Variants in MUC22 observed in about 807,000 individuals in gnomAD.
The protein encoded by MUC22 is mucin 22.
Under a neutral mutation model 40.3 loss-of-function variants are expected in MUC22, and 24 were observed. The observed-to-expected ratio is 0.60, with a 90% CI of 0.43 to 0.84. MUC22 has a LOEUF of 0.84. MUC22 is among the 40% of genes least tolerant of loss of function. The probability of loss-of-function intolerance (pLI) is 0.00; values close to 1 mark genes in which losing one functional copy is unlikely to be tolerated. For missense variants in MUC22, 1,926 were observed against 2,130.7 expected, an observed-to-expected ratio of 0.90 and a Z score of 1.89; for synonymous variants, 765 against 844.5, an observed-to-expected ratio of 0.91 and a Z score of 1.63.
At chr6:31,017,124 G>A (rs1764274778) in intron 1 of MUC22, among the ~76,000 whole-genome samples, 1 of 152,214 alleles carries the variant, frequency 6.6e-6, no homozygotes, top group Admixed American at 6.5e-5. Context: ...TCCCAGACGA[G>A]CGCTGCCCCT....
intron 3 of MUC22, among the ~76,000 whole-genome samples, chr6:31,033,856 A>G (rs10947125): frequency 0.37 from 56,358 of 152,134 alleles, 10,663 homozygotes; most frequent in Admixed American, 0.45. Flanking sequence ...GTCACAAAAG[A>G]TTTGGATAAT....
intron 2 of MUC22, among the ~76,000 whole-genome samples, chr6:31,031,737 TC>T (rs140294066): frequency 0.11 from 16,539 of 152,042 alleles, 1,089 homozygotes; most frequent in Middle Eastern, 0.17. Flanking sequence ...ATAGCTTAGC[TC>T]CCACATATCA....
chr6:31,029,750 C>T lies in MUC22; in HGVS notation c.4319C>T (p.Thr1440Ile), dbSNP rs543044089. Residue 1440 changes from threonine to isoleucine, a missense_variant, in exon 2 of 4, where the codon ACT becomes ATT. Thr to Ile is a moderately conservative substitution (Grantham distance 89, BLOSUM62 -1). Around this residue, in one of 3 missense-constraint regions of MUC22, gnomAD observed 610 missense variants for 714.6 expected, o/e 0.85. Coordinates refer to ENST00000561890, the Ensembl canonical transcript of MUC22. ...GGCTCTGAGACCACCACAGCCTCCA[C>T]TGCAGGCTCTGAGACCACCACAGCC... is the stretch of plus-strand genomic sequence containing the variant. 6.5e-6 allele frequency: 10 copies of T among 1,531,600 alleles called. No individual in the cohort carries two copies. In the East Asian group the frequency reaches 2.0e-4, roughly 30 times the overall value. 94.9% of individuals were successfully genotyped at this position (1,531,600 alleles called of 1,614,324 possible). A position where few individuals can be genotyped will look rare whatever the true frequency, so the allele number is the denominator to read the frequency against.
At chr6:31,029,652 A>C in exon 2 of MUC22, 2 of 1,535,182 alleles carry the variant, frequency 1.3e-6, no homozygotes, top group Non-Finnish European at 1.7e-6. Context: ...AGACCACCAC[A>C]GTCTCTACCA....
intron 1 of MUC22, among the ~76,000 whole-genome samples, chr6:31,016,967 G>A (rs79019128): frequency 0.12 from 18,204 of 152,230 alleles, 1,272 homozygotes; most frequent in African/African-American, 0.17. Context: ...CGGAGGGTGC[G>A]CCAGGTTCCC....
chr6:31,006,900 G>A (rs1453845240), upstream of MUC22, among the ~76,000 whole-genome samples: 2 of 152,066 alleles, frequency 1.3e-5, no homozygotes, highest in African/African-American at 4.8e-5. Context: ...TGTAATCCCA[G>A]CACTTGGGGA....
At chr6:31,009,084 T>A (rs1284500348), upstream of MUC22, among the ~76,000 whole-genome samples, 1 of 152,244 alleles carries the variant, frequency 6.6e-6, no homozygotes, top group Non-Finnish European at 1.5e-5. Flanking sequence ...TGATTAAAGT[T>A]CCAGAACTCA....
chr6:31,016,397 G>A (rs753608783), intron 1 of MUC22, among the ~76,000 whole-genome samples: 1 of 152,116 alleles, frequency 6.6e-6, no homozygotes, highest in Non-Finnish European at 1.5e-5. Flanking sequence ...TAGCTTTAGG[G>A]TAATTTAGCA....
chr6:31,029,783 C>A (rs1173873727), exon 2 of MUC22: 1 of 1,475,536 alleles, frequency 6.8e-7, no homozygotes, highest in Non-Finnish European at 9.0e-7. Context: ...GCCTCCACTG[C>A]AGGCTCTGAG....
rs1195805707 is a variant in MUC22 at position 31,027,425 on chromosome 6, C to A, written c.1994C>A (p.Thr665Asn). The change falls in exon 2 of 4, where the codon ACC becomes AAC. Residue 665 changes from threonine to asparagine, a missense_variant. Transcript: ENST00000561890. ...ACAGTTTCTATCACAGACTCAGAGA[C>A]CACCACCACCTGTACTGAAGGCTCT... 4 of 1,531,682 alleles carry A rather than the reference C, an allele frequency of 2.6e-6. No individual in the cohort carries two copies. In the African/African-American group the frequency reaches 5.5e-5, roughly 21 times the overall value. 94.9% of individuals were successfully genotyped at this position (1,531,682 alleles called of 1,614,324 possible).
intron 1 of MUC22, among the ~76,000 whole-genome samples, chr6:31,016,996 C>T (rs1325697680): frequency 2.0e-5 from 3 of 152,226 alleles, no homozygotes; most frequent in Admixed American, 6.5e-5. Flanking sequence ...CCAGCGGGTG[C>T]TGCGCTCCAA....
exon 2 of MUC22, chr6:31,026,154 A>T (rs1362187062): frequency 9.9e-6 from 15 of 1,521,716 alleles, no homozygotes; most frequent in Middle Eastern, 1.7e-4. Context: ...CCACAACCTC[A>T]ACTGCAGACT....
At chr6:31,007,930 C>T (rs1195236984), upstream of MUC22, among the ~76,000 whole-genome samples, 1 of 152,202 alleles carries the variant, frequency 6.6e-6, no homozygotes, top group African/African-American at 2.4e-5. This position sits in a 1 kb window ranked among gnomAD's most constrained non-coding sequence, Gnocchi z 4.0. Flanking sequence ...ATTTTCCCGA[C>T]ATGTCCCTTA....
upstream of MUC22, among the ~76,000 whole-genome samples, chr6:31,007,949 C>T (rs1434282458): frequency 6.6e-6 from 1 of 152,206 alleles, no homozygotes; most frequent in Admixed American, 6.5e-5. This position sits in a 1 kb window ranked among gnomAD's most constrained non-coding sequence, Gnocchi z 4.0. Context: ...TATGATGACT[C>T]GTCCATCTGT....
At chr6:31,014,830 T>A (rs1764081577) in intron 1 of MUC22, among the ~76,000 whole-genome samples, 1 of 151,862 alleles carries the variant, frequency 6.6e-6, no homozygotes, top group Non-Finnish European at 1.5e-5. Context: ...AGAAAAACAG[T>A]ATTTTGTATT....
At chr6:31,022,250 T>C (rs1257661757) in intron 1 of MUC22, among the ~76,000 whole-genome samples, 1 of 152,120 alleles carries the variant, frequency 6.6e-6, no homozygotes, top group Non-Finnish European at 1.5e-5. Context: ...CCAGACACAC[T>C]GGGTTCAAGC....
chr6:31,033,016 T>C (rs1766181096), intron 3 of MUC22, among the ~76,000 whole-genome samples: 1 of 151,998 alleles, frequency 6.6e-6, no homozygotes. Context: ...AATACAAAAA[T>C]TAGTCGAGAG....
At chr6:31,015,486 G>A (rs9391701) in intron 1 of MUC22, among the ~76,000 whole-genome samples, 17,191 of 152,210 alleles carry the variant, frequency 0.11, 1,259 homozygotes, top group East Asian at 0.33. Flanking sequence ...GTTGACAAAT[G>A]TAACTTAGCC....
rs1378391522 is a variant in MUC22, at chr6:31,028,685, T to A, written c.3254T>A (p.Ile1085Asn). Residue 1085 changes from isoleucine (I) to asparagine (N), a missense_variant, in exon 2 of 4, where the codon ATC (isoleucine) becomes AAC (asparagine). By Grantham distance (149) the Ile-to-Asn change is moderately radical (BLOSUM62 -3). Around this residue, in one of 3 missense-constraint regions of MUC22, gnomAD observed 1,281 missense variants for 1,337.8 expected, o/e 0.96. Transcript: ENST00000561890. ...GTCTCCACTGCAGGCTCTGAGACCA[T>A]CCCAGCCTCTACAGCAGGCTCTGAG... is the stretch of plus-strand genomic sequence containing the variant. 3.4e-6 allele frequency: 5 copies of A among 1,480,198 alleles called. No individual in the cohort carries two copies. The highest frequency in any genetic ancestry group is 3.6e-6 in the Non-Finnish European group (4 of 1,121,156). The allele number at this position is 1,480,198 out of a possible 1,614,324, so 91.7% of individuals were successfully genotyped here.
Sources: allele counts gnomAD v4.1 joint callset (sites outside exome capture counted in the v4.1 genomes callset), GRCh38; gene constraint gnomAD v4.1.1; regional missense constraint gnomAD v4.1.1; non-coding constraint Gnocchi (gnomAD v3.1); transcripts MANE v1.5; gene names NCBI Gene and HGNC (gene_info 2026-07-23, HGNC 2026-07-21).